The following TRIM5 variants were observed in gnomAD, a reference collection of about 807,000 sequenced individuals.
TRIM5 encodes tripartite motif containing 5, also known as tripartite motif-containing protein 5.
A neutral mutation model predicts 35.6 loss-of-function variants in TRIM5; 31 were observed. The ratio of observed to expected loss-of-function variants is 0.87; its 90% confidence interval spans 0.65 to 1.18. TRIM5 has a LOEUF of 1.18. Ranked by LOEUF, TRIM5 falls within the 50% of genes most tolerant of loss-of-function variation. The pLI is 0.00. For synonymous variants in TRIM5, 243 were observed against 215.6 expected (o/e 1.13, Z -1.11); for missense variants, 609 against 591.6 (o/e 1.03, Z -0.31).
At chr11:5,604,761 TC>T in the TRIM5 span, 1 of 840,594 alleles carries the variant, frequency 1.2e-6, no homozygotes, top group Non-Finnish European at 1.8e-6. Flanking sequence ...TGCCTGGTCC[TC>T]CACTATATTC....
Position 5,666,088 on chromosome 11 carries a change from A to AT in TRIM5, c.768-8dup, listed in dbSNP as rs1851110596. The AT allele has an allele frequency of 1.9e-6, 3 of 1,539,400 alleles. No homozygotes were observed. Among genetic ancestry groups the AT allele is most frequent in the East Asian group, 2.4e-5 (1 of 42,246 alleles). ...CAAGGTCACGTTCTCCGTCCTAAGA[A>AT]TTAAAAAAAAAAAAAAAAACTTCCA... On this transcript the variant is annotated splice_polypyrimidine_tract_variant and splice_region_variant and intron_variant, in intron 5 of 7. Coordinates refer to ENST00000380034, the MANE Select transcript of TRIM5 (RefSeq NM_033034.3).
chr11:5,667,857 G>A (rs1851263173), intron 4 of TRIM5, 146 bp from the exon 5 acceptor site: 2 of 780,460 alleles, frequency 2.6e-6, no homozygotes, highest in Non-Finnish European at 4.0e-6. Context: ...TAAGACTCAA[G>A]GCAATCATCC....
chr11:5,648,782 T>C, the TRIM5 span, among the ~76,000 whole-genome samples: 1 of 152,210 alleles, frequency 6.6e-6, no homozygotes, highest in Non-Finnish European at 1.5e-5. Flanking sequence ...AGACCTACAA[T>C]TATTTTTCTC....
the TRIM5 span, chr11:5,612,779 T>C: frequency 6.6e-6 from 1 of 152,246 alleles, no homozygotes; most frequent in African/African-American, 2.4e-5. Context: ...TGTTGAGTAC[T>C]TCATACATGC....
At chr11:5,606,992 AGG>A in the TRIM5 span, among the ~76,000 whole-genome samples, 10 of 151,456 alleles carry the variant, frequency 6.6e-5, no homozygotes, top group South Asian at 2.1e-4. Flanking sequence ...TCATGAGGTC[AGG>A]AGATTGAGAC....
the TRIM5 span, among the ~76,000 whole-genome samples, chr11:5,652,658 T>A: frequency 6.6e-6 from 1 of 152,192 alleles, no homozygotes; most frequent in African/African-American, 2.4e-5. Context: ...TTCCTTTTTT[T>A]ATTTCATATG....
rs1851025113 is a variant in TRIM5 at position 5,665,088 on chromosome 11, A to T, written c.1203T>A (p.Val401=). 6.2e-7 allele frequency: 1 copy of T among 1,614,040 alleles called. No homozygotes were observed. Among genetic ancestry groups the T allele is most frequent in the Non-Finnish European group, 8.5e-7 (1 of 1,180,046 alleles). ...ATTTAACTCCTTCCTCTAACCCTATAACCCAGTAGCCGTATTTAGGTTGAT... is the reference window on the plus strand; with the variant it reads ...ATTTAACTCCTTCCTCTAACCCTATTACCCAGTAGCCGTATTTAGGTTGAT... ...ENYQPKYGYW[V]IGLEEGVKCS... The change falls in exon 8 of 8, where the codon GTT becomes GTA. Residue 401 remains valine (V), a synonymous_variant. Coordinates refer to ENST00000380034, the MANE Select transcript of TRIM5 (RefSeq NM_033034.3).
At chr11:5,667,835 A>C (rs1044553140) in intron 4 of TRIM5, 124 bp from the exon 5 acceptor site, 5 of 1,043,392 alleles carry the variant, frequency 4.8e-6, no homozygotes, top group Non-Finnish European at 6.9e-6. Context: ...GTGAAAGACA[A>C]AAAAGCAAAG....
the TRIM5 span, chr11:5,610,578 G>T: frequency 6.2e-7 from 1 of 1,610,284 alleles, no homozygotes; most frequent in Non-Finnish European, 8.5e-7. Flanking sequence ...AGAAGCCATG[G>T]CCTCTTTGGG....
At chr11:5,643,500 G>A in the TRIM5 span, 29 of 1,614,032 alleles carry the variant, frequency 1.8e-5, no homozygotes, top group Admixed American at 3.3e-5. Flanking sequence ...CTCTGATCCC[G>A]AGGTTTTGAC....
At chr11:5,604,438 T>C in the TRIM5 span, 39 of 1,360,568 alleles carry the variant, frequency 2.9e-5, no homozygotes, top group Non-Finnish European at 3.7e-5. Context: ...CAGGCTTCTT[T>C]TGAGGTTAGC....
At chr11:5,601,626 C>T in the TRIM5 span, among the ~76,000 whole-genome samples, 4 of 152,180 alleles carry the variant, frequency 2.6e-5, no homozygotes, top group East Asian at 5.8e-4. Context: ...GGCATGGTGG[C>T]GCTCACCTGT....
chr11:5,610,736 G>T, the TRIM5 span: 1 of 1,600,312 alleles, frequency 6.2e-7, no homozygotes, highest in Non-Finnish European at 8.5e-7. Flanking sequence ...CGAGACCCAT[G>T]TCCCCGTTCT....
At chr11:5,617,551 C>T in the TRIM5 span, among the ~76,000 whole-genome samples, 74,121 of 134,850 alleles carry the variant, frequency 0.55, 24,718 homozygotes, top group East Asian at 0.89. Context: ...TGCAATGGCA[C>T]GATCTCGGCT....
chr11:5,676,275 A>T (rs1192264275), intron 4 of TRIM5, among the ~76,000 whole-genome samples: 1 of 152,186 alleles, frequency 6.6e-6, no homozygotes, highest in Non-Finnish European at 1.5e-5. Flanking sequence ...ATACAAAATC[A>T]ATGTACAAAA....
the TRIM5 span, among the ~76,000 whole-genome samples, chr11:5,602,453 T>C: frequency 6.6e-6 from 1 of 151,108 alleles, no homozygotes; most frequent in Non-Finnish European, 1.5e-5. Flanking sequence ...GAGGTGAATA[T>C]GTGGAGAGTG....
the TRIM5 span, among the ~76,000 whole-genome samples, chr11:5,652,893 C>A: frequency 1.3e-5 from 2 of 150,504 alleles, no homozygotes; most frequent in Non-Finnish European, 2.9e-5. Flanking sequence ...GCTCTGTTGC[C>A]TAGGCTGGAG....
chr11:5,598,518 C>T, the TRIM5 span, among the ~76,000 whole-genome samples: 1,058 of 152,140 alleles, frequency 7.0e-3, 13 homozygotes, highest in African/African-American at 0.024. Context: ...TAAAAATAAG[C>T]GGGTGAAATT....
At chr11:5,610,088 G>A in the TRIM5 span, 3 of 1,584,930 alleles carry the variant, frequency 1.9e-6, no homozygotes, top group South Asian at 1.1e-5. Context: ...AGGGAGATGG[G>A]TGGTGGAGGA....
Sources: allele counts gnomAD v4.1 joint callset (sites outside exome capture counted in the v4.1 genomes callset), GRCh38; gene constraint gnomAD v4.1.1; transcripts MANE v1.5; gene names NCBI Gene and HGNC (gene_info 2026-07-23, HGNC 2026-07-21).